The following ADCY9 variants were observed in gnomAD, a reference collection of about 807,000 sequenced individuals.
ADCY9 encodes adenylate cyclase 9.
ADCY9 carries 50 observed loss-of-function variants against 101.5 expected under a neutral mutation model. That is an observed-to-expected ratio of 0.49 (90% CI 0.39 to 0.62). ADCY9 has a LOEUF of 0.62. ADCY9 is among the 20% of genes least tolerant of loss of function. The pLI is 0.00. For missense variants in ADCY9, 1,662 were observed against 1,800.4 expected (o/e 0.92, Z 1.39); for synonymous variants, 905 against 769.3 (o/e 1.18, Z -2.92).
chr16:4,005,525 G>A (rs905131188), intron 3 of ADCY9, among the ~76,000 whole-genome samples: 4 of 152,146 alleles, frequency 2.6e-5, no homozygotes, highest in African/African-American at 9.7e-5. Context: ...CACCATGCCC[G>A]GCCTTCTGTC....
At chr16:4,086,411 G>T (rs1197995066) in intron 2 of ADCY9, among the ~76,000 whole-genome samples, 5 of 152,036 alleles carry the variant, frequency 3.3e-5, no homozygotes, top group African/African-American at 1.2e-4. Flanking sequence ...ACATCACCCA[G>T]GCCTGTGATG....
intron 10 of ADCY9, among the ~76,000 whole-genome samples, chr16:3,974,401 G>T (rs1044832894): frequency 6.6e-6 from 1 of 152,142 alleles, no homozygotes; most frequent in African/African-American, 2.4e-5. Context: ...TTTGATTTGC[G>T]AGATTTCCTT....
chr16:4,074,501 G>A (rs1431645097), intron 2 of ADCY9, among the ~76,000 whole-genome samples: 12 of 149,728 alleles, frequency 8.0e-5, no homozygotes, highest in Non-Finnish European at 5.9e-5. Context: ...TCAAGACCAC[G>A]CTGGGCAACA....
chr16:4,033,253 A>C (rs929996739), intron 2 of ADCY9, among the ~76,000 whole-genome samples: 1 of 152,188 alleles, frequency 6.6e-6, no homozygotes, highest in African/African-American at 2.4e-5. Context: ...TACTACAAAA[A>C]TGACAGAGAC....
intron 2 of ADCY9, among the ~76,000 whole-genome samples, chr16:4,014,452 T>G (rs1308142861): frequency 6.6e-6 from 1 of 152,078 alleles, no homozygotes; most frequent in Non-Finnish European, 1.5e-5. Flanking sequence ...AAAAAAATTT[T>G]TTTGTTTTTT....
chr16:3,976,458 C>G (rs374175093), intron 9 of ADCY9, among the ~76,000 whole-genome samples: 49 of 152,212 alleles, frequency 3.2e-4, no homozygotes, highest in African/African-American at 9.9e-4. Flanking sequence ...CTGGGCTTGT[C>G]CCCAGAGGTC....
chr16:4,067,358 C>G lies in ADCY9; in HGVS notation c.1693+46392G>C, dbSNP rs191795030. ...AAAATACTAATTCTTAAAATCCTCCCTCTTGCGCTATGCCTGCTTCTGAGT... is the reference window on the plus strand; with the variant it reads ...AAAATACTAATTCTTAAAATCCTCCGTCTTGCGCTATGCCTGCTTCTGAGT... On this transcript the variant is annotated intron_variant, in intron 2 of 10. Coordinates refer to ENST00000294016, the MANE Select transcript of ADCY9 (RefSeq NM_001116.4). Among the ~76,000 whole-genome samples the G allele has an allele frequency of 7.2e-5, 11 of 152,290 alleles. No homozygotes were observed. The East Asian group carries it at 2.1e-3, about 29-fold the overall frequency.
chr16:4,115,863 TC>T lies in ADCY9; in HGVS notation c.-218del. The T allele has an allele frequency of 2.5e-6, 1 of 395,178 alleles. No homozygotes were observed. Among genetic ancestry groups the T allele is most frequent in the Non-Finnish European group, 4.5e-6 (1 of 223,988 alleles). The allele number at this position is 395,178 out of a possible 1,614,324, so 24.5% of individuals were successfully genotyped here. A position where few individuals can be genotyped will look rare whatever the true frequency, so the allele number is the denominator to read the frequency against. On this transcript the variant is annotated 5_prime_UTR_variant, in exon 1 of 11. It removes the in-frame stop codon of an upstream open reading frame in the 5' UTR. Transcript: ENST00000294016. The surrounding 1 kb of genome is among the most constrained non-coding windows in gnomAD (Gnocchi z 6.2). ...GGAGGGAAGTTCAGACCTTGAGCGC[TC>T]CCAGCCCCGCGAGCCGCCTGCGCAC...
chr16:4,076,773 A>C (rs1252676538), intron 2 of ADCY9, among the ~76,000 whole-genome samples: 1 of 152,126 alleles, frequency 6.6e-6, no homozygotes, highest in African/African-American at 2.4e-5. Context: ...GCAGTGCATC[A>C]ATAATTAAGA....
In ADCY9 at chr16:3,979,247, C is replaced by G. The variant is rs766162854; in HGVS notation, c.2548G>C (p.Ala850Pro). 2 of 1,613,814 alleles carry G rather than the reference C, an allele frequency of 1.2e-6. No homozygotes were observed. The highest frequency in any genetic ancestry group is 3.3e-5 in the Admixed American group (2 of 60,004). Residue 850 changes from alanine (A) to proline (P), a missense_variant, in exon 8 of 11, where the codon GCC becomes CCC. Around this residue, in one of 5 missense-constraint regions of ADCY9, gnomAD observed 624 missense variants for 639.1 expected, o/e 0.98. Coordinates refer to ENST00000294016, the MANE Select transcript of ADCY9 (RefSeq NM_001116.4). Reference protein sequence around the residue: ...RMVFFLEDVMACTKRLLEWIA... With the variant: ...RMVFFLEDVMPCTKRLLEWIA... Reference sequence around the variant, plus strand: ...CACTCCAGCAGGCGCTTGGTGCAGGCCATGACGTCCTCCAGGAAGAACACC... The same window carrying G: ...CACTCCAGCAGGCGCTTGGTGCAGGGCATGACGTCCTCCAGGAAGAACACC...
At chr16:4,020,389 CTAA>C (rs1299296328) in intron 2 of ADCY9, among the ~76,000 whole-genome samples, 1 of 151,960 alleles carries the variant, frequency 6.6e-6, no homozygotes, top group East Asian at 1.9e-4. Flanking sequence ...ATAAGAACTA[CTAA>C]AAGAAAATGG....
At chr16:4,018,297 T>A (rs1376349846) in intron 2 of ADCY9, among the ~76,000 whole-genome samples, 1 of 149,082 alleles carries the variant, frequency 6.7e-6, no homozygotes, top group African/African-American at 2.5e-5. Context: ...CACTGCAACC[T>A]CTGCCTCCCG....
chr16:4,034,495 C>T (rs10221072), intron 2 of ADCY9, among the ~76,000 whole-genome samples: 3,418 of 152,238 alleles, frequency 0.022, 105 homozygotes, highest in African/African-American at 0.064. Context: ...CTGCAACCTC[C>T]GCCTCCCAGG....
chr16:4,041,267 C>T (rs1011292675), intron 2 of ADCY9, among the ~76,000 whole-genome samples: 2 of 152,146 alleles, frequency 1.3e-5, no homozygotes, highest in African/African-American at 4.8e-5. Flanking sequence ...CTGTGGGAGG[C>T]CAAGGCAGGT....
At chr16:4,011,696 G>C (rs1274149685) in intron 2 of ADCY9, among the ~76,000 whole-genome samples, 3 of 152,064 alleles carry the variant, frequency 2.0e-5, no homozygotes, top group African/African-American at 7.2e-5. Context: ...CTAAGGGGAG[G>C]GCAGGAGCAG....
rs1355509938 is a variant in ADCY9 at position 3,967,036 on chromosome 16, A to G, written c.2871-70T>C. The stretch of plus-strand genomic sequence containing the variant: ...CTTCCAAGCTCAGAACAGCCCCGCT[A>G]GCTACGCAAAGCTTTGTTGAGTCCA... On this transcript the variant is annotated intron_variant, in intron 10 of 10. Transcript: ENST00000294016. 3.1e-6 allele frequency: 4 copies of G among 1,291,552 alleles called. No individual in the cohort carries two copies. The African/African-American group carries it at 6.0e-5, about 19-fold the overall frequency. 80.0% of individuals were successfully genotyped at this position (1,291,552 alleles called of 1,614,324 possible).
At chr16:4,090,086 A>G (rs890619647) in intron 2 of ADCY9, among the ~76,000 whole-genome samples, 10 of 152,032 alleles carry the variant, frequency 6.6e-5, no homozygotes, top group Non-Finnish European at 1.0e-4. Context: ...AGCTCCCCCA[A>G]CAAGGGCACT....
At chr16:4,039,240 C>T (rs2056610691) in intron 2 of ADCY9, among the ~76,000 whole-genome samples, 1 of 152,180 alleles carries the variant, frequency 6.6e-6, no homozygotes, top group South Asian at 2.1e-4. Flanking sequence ...CGCTTCCCCA[C>T]GTACTTGCGG....
At chr16:4,035,931 G>A (rs528928347) in intron 2 of ADCY9, among the ~76,000 whole-genome samples, 6 of 146,850 alleles carry the variant, frequency 4.1e-5, no homozygotes, top group African/African-American at 5.0e-5. Context: ...CCCGGAAGGC[G>A]GAGGTTGTGG....
Sources: allele counts gnomAD v4.1 joint callset (sites outside exome capture counted in the v4.1 genomes callset), GRCh38; gene constraint gnomAD v4.1.1; regional missense constraint gnomAD v4.1.1; non-coding constraint Gnocchi (gnomAD v3.1); transcripts MANE v1.5; gene names NCBI Gene and HGNC (gene_info 2026-07-23, HGNC 2026-07-21).